CCPG1: variants seen among roughly 807,000 people sequenced by gnomAD.
CCPG1 encodes the protein cell cycle progression 1, also known as cell cycle progression protein 1.
In CCPG1, 46 loss-of-function variants were observed where a neutral mutation model predicts 81.3. The observed-to-expected ratio is 0.57, with a 90% confidence interval of 0.45 to 0.72. The LOEUF (loss-of-function observed/expected upper bound fraction) is 0.72, where lower values mean the gene tolerates loss of function less well. Among genes scored for constraint, CCPG1 ranks in the 30% least tolerant of loss-of-function variants. CCPG1 has a pLI of 0.00. For missense variants in CCPG1, 902 were observed against 937.6 expected (o/e 0.96, Z 0.50); for synonymous variants, 330 against 305.2 (o/e 1.08, Z -0.85).
chr15:55,388,548 T>C (rs1368525711), intron 2 of CCPG1, among the ~76,000 whole-genome samples: 2 of 152,218 alleles, frequency 1.3e-5, no homozygotes, highest in African/African-American at 2.4e-5. Context: ...CTCTAAGCTT[T>C]AGTTTTCTCA....
In CCPG1 at chr15:55,360,240, A is replaced by G. The variant is rs1383089120; in HGVS notation, c.1533T>C (p.Ile511=). 3 of 1,613,796 alleles carry G rather than the reference A, an allele frequency of 1.9e-6. No individual in the cohort carries two copies. The highest frequency in any genetic ancestry group is 2.7e-5 in the African/African-American group (2 of 74,888). ...KEFVRHHKEK[I]KQAKEAVKEN... ...CCTTCACAGCTTCTTTAGCCTGCTT[A>G]ATTTTCTCTTTATGATGCCTTACAA... Residue 511 remains isoleucine, a synonymous_variant, in exon 8 of 9, where the codon ATT becomes ATC. Transcript: ENST00000442196.
At position 55,360,255 on chromosome 15, in the gene CCPG1, A is replaced by G; in HGVS notation, c.1518T>C (p.His506=). ...TAGCCTGCTTAATTTTCTCTTTATG[A>G]TGCCTTACAAACTCCTTGGTAGAAT... is the stretch of plus-strand genomic sequence containing the variant. The part of the protein sequence containing the change: ...MKNSTKEFVR[H]HKEKIKQAKE... Residue 506 remains histidine, a synonymous_variant, in exon 8 of 9, where the codon CAT becomes CAC. Coordinates refer to ENST00000442196, the MANE Select transcript of CCPG1 (RefSeq NM_001204450.2). 1 of 1,613,924 alleles carries G rather than the reference A, an allele frequency of 6.2e-7. No individual in the cohort carries two copies. The highest frequency in any genetic ancestry group is 8.5e-7 in the Non-Finnish European group (1 of 1,180,012).
At chr15:55,393,439 C>CA (rs202011486) in intron 1 of CCPG1, among the ~76,000 whole-genome samples, 1 of 151,728 alleles carries the variant, frequency 6.6e-6, no homozygotes, top group Non-Finnish European at 1.5e-5. Flanking sequence ...GACCCTGTCT[C>CA]AAAAAAATGT....
At position 55,365,279 on chromosome 15, in the gene CCPG1, A is replaced by G. The variant is rs1293735584; in HGVS notation, c.737T>C (p.Leu246Ser). 4 of 1,550,198 alleles carry G rather than the reference A, an allele frequency of 2.6e-6. No homozygotes were observed. In the African/African-American group the frequency reaches 5.5e-5, roughly 21 times the overall value. The change falls in exon 7 of 9, where the codon TTA (leucine) becomes TCA (serine). Residue 246 changes from leucine (L) to serine (S), a missense_variant. Coordinates refer to ENST00000442196, the MANE Select transcript of CCPG1 (RefSeq NM_001204450.2). Reference protein sequence around the residue: ...GTIQIQKRQQLVRKIHEDELN... With the variant: ...GTIQIQKRQQSVRKIHEDELN... ...TTCATCTTCATGTATCTTTCTGACTAACTGTTGACGCTTCTGAATCTGAAT... is the reference window on the plus strand; with the variant it reads ...TTCATCTTCATGTATCTTTCTGACTGACTGTTGACGCTTCTGAATCTGAAT...
At chr15:55,406,436 C>CTTTTTTTTTTTTTTTTTTTTTTT (rs143238270) in intron 1 of CCPG1, among the ~76,000 whole-genome samples, 23 of 126,268 alleles carry the variant, frequency 1.8e-4, no homozygotes, top group East Asian at 2.3e-4. Flanking sequence ...TTCTTTTTCT[C>CTTTTTTTTTTTTTTTTTTTTTTT]TTTTTTTTTT....
At chr15:55,394,031 A>C (rs1004878148) in intron 1 of CCPG1, among the ~76,000 whole-genome samples, 3 of 152,112 alleles carry the variant, frequency 2.0e-5, no homozygotes, top group African/African-American at 7.2e-5. Flanking sequence ...TTCTTTGTTC[A>C]AGATGCCAAG....
chr15:55,397,180 C>T (rs1264652504), intron 1 of CCPG1, among the ~76,000 whole-genome samples: 1 of 151,852 alleles, frequency 6.6e-6, no homozygotes, highest in Admixed American at 6.6e-5. Flanking sequence ...CGCCACTGCA[C>T]TCCAGCCTGG....
At position 55,371,800 on chromosome 15, in the gene CCPG1, A is replaced by G. The variant is rs1566971004; in HGVS notation, c.699T>C (p.His233=). Residue 233 remains histidine, a synonymous_variant, in exon 6 of 9, where the codon CAT becomes CAC. Transcript: ENST00000442196. The part of the protein sequence containing the change: ...LVIAISMGFG[H]FYGTIQIQKR... ...ACATTTTTGAGTACTTACCATAGAA[A>G]TGGCCAAATCCCATGCTGATTGCAA... The G allele has an allele frequency of 6.2e-7, 1 of 1,613,470 alleles. No individual in the cohort carries two copies. Among genetic ancestry groups the G allele is most frequent in the East Asian group, 2.2e-5 (1 of 44,872 alleles).
chr15:55,368,181 C>A (rs1163576115), intron 6 of CCPG1, among the ~76,000 whole-genome samples: 4 of 152,068 alleles, frequency 2.6e-5, no homozygotes, highest in Admixed American at 2.6e-4. Flanking sequence ...GGGGGTGCAT[C>A]CTGGAACCCA....
intron 8 of CCPG1, chr15:55,358,572 G>A (rs969850742): frequency 3.9e-5 from 38 of 985,208 alleles, no homozygotes; most frequent in Admixed American, 6.2e-5. Flanking sequence ...TCCCTTCCCT[G>A]TCTGCATAGC....
chr15:55,377,489 T>C (rs2056590727), intron 4 of CCPG1, among the ~76,000 whole-genome samples: 1 of 152,174 alleles, frequency 6.6e-6, no homozygotes, highest in East Asian at 1.9e-4. Context: ...CTCTGTAGTG[T>C]GGAAGCCCAA....
At chr15:55,406,216 C>CTTT (rs35010457) in intron 1 of CCPG1, among the ~76,000 whole-genome samples, 6,729 of 136,978 alleles carry the variant, frequency 0.049, 224 homozygotes, top group East Asian at 0.15. Flanking sequence ...GGAATTGCTG[C>CTTT]TTTTTTTTTT....
intron 6 of CCPG1, among the ~76,000 whole-genome samples, chr15:55,365,693 G>T (rs1178523601): frequency 6.6e-6 from 1 of 151,770 alleles, no homozygotes; most frequent in Non-Finnish European, 1.5e-5. Flanking sequence ...GATTACATGT[G>T]TGAGCCACTG....
At chr15:55,381,187 G>A (rs919389678) in intron 3 of CCPG1, among the ~76,000 whole-genome samples, 1 of 151,594 alleles carries the variant, frequency 6.6e-6, no homozygotes, top group African/African-American at 2.4e-5. Flanking sequence ...TGTAATCACA[G>A]CACTTTGGGA....
chr15:55,404,899 A>G (rs923182478), intron 1 of CCPG1, among the ~76,000 whole-genome samples: 6 of 152,156 alleles, frequency 3.9e-5, no homozygotes, highest in African/African-American at 1.4e-4. Flanking sequence ...GTGAAACCCC[A>G]TCTCTACTAA....
At chr15:55,382,563 G>A (rs561117002) in intron 3 of CCPG1, among the ~76,000 whole-genome samples, 1 of 148,670 alleles carries the variant, frequency 6.7e-6, no homozygotes, top group East Asian at 2.0e-4. Context: ...AGGCTAGAGT[G>A]CAGTGGCGCG....
At chr15:55,381,990 G>A (rs1041256543) in intron 3 of CCPG1, among the ~76,000 whole-genome samples, 1 of 152,202 alleles carries the variant, frequency 6.6e-6, no homozygotes, top group African/African-American at 2.4e-5. Flanking sequence ...ATAACATCAT[G>A]TCTAAAAAAC....
chr15:55,398,421 G>C (rs2057063946), intron 1 of CCPG1, among the ~76,000 whole-genome samples: 1 of 152,128 alleles, frequency 6.6e-6, no homozygotes, highest in Admixed American at 6.6e-5. Flanking sequence ...GTACTGTCAT[G>C]TGACCAAAGA....
intron 8 of CCPG1, 57 bp downstream of exon 8, chr15:55,359,482 T>A (rs941573506): frequency 6.6e-7 from 1 of 1,517,470 alleles, no homozygotes; most frequent in African/African-American, 1.4e-5. Context: ...ATAAAAATGC[T>A]ATCCAATCTA....
Sources: allele counts gnomAD v4.1 joint callset (sites outside exome capture counted in the v4.1 genomes callset), GRCh38; gene constraint gnomAD v4.1.1; transcripts MANE v1.5; gene names NCBI Gene and HGNC (gene_info 2026-07-23, HGNC 2026-07-21).